Variants in THSD7B observed in about 807,000 individuals in gnomAD.
THSD7B encodes the protein thrombospondin type-1 domain-containing protein 7B.
A neutral mutation model predicts 213.6 loss-of-function variants in THSD7B; 138 were observed. The ratio of observed to expected loss-of-function variants is 0.65; its 90% CI spans 0.56 to 0.74. The LOEUF (loss-of-function observed/expected upper bound fraction) is 0.74, where lower values mean the gene tolerates loss of function less well. Among genes scored for constraint, THSD7B ranks in the 30% least tolerant of loss-of-function variants. The pLI is 0.00. For missense variants in THSD7B, 1,931 were observed against 1,991.5 expected (o/e 0.97, Z 0.58); for synonymous variants, 742 against 687.0 (o/e 1.08, Z -1.25).
chr2:137,069,581 TG>T (rs1280673547), intron 3 of THSD7B, among the ~76,000 whole-genome samples: 1 of 152,018 alleles, frequency 6.6e-6, no homozygotes, highest in Non-Finnish European at 1.5e-5. Flanking sequence ...ATGAATGCAC[TG>T]TGACTTCCTC....
chr2:137,106,970 G>A (rs1411887115), intron 4 of THSD7B, among the ~76,000 whole-genome samples: 1 of 152,188 alleles, frequency 6.6e-6, no homozygotes, highest in Non-Finnish European at 1.5e-5. Flanking sequence ...AACCATTGTG[G>A]AAGTCAGTGT....
intron 3 of THSD7B, among the ~76,000 whole-genome samples, chr2:137,086,845 C>T (rs191689289): frequency 1.8e-4 from 27 of 152,312 alleles, no homozygotes; most frequent in African/African-American, 6.5e-4. Context: ...TTTGACAATA[C>T]TTTATGTATC....
At chr2:137,034,139 T>A (rs928613411) in intron 2 of THSD7B, among the ~76,000 whole-genome samples, 1 of 152,286 alleles carries the variant, frequency 6.6e-6, no homozygotes, top group East Asian at 1.9e-4. Context: ...CATCCTTTTT[T>A]ATGGCTGCAT....
chr2:137,556,418 C>T (rs569588648), intron 15 of THSD7B, among the ~76,000 whole-genome samples: 16 of 152,202 alleles, frequency 1.1e-4, no homozygotes, highest in African/African-American at 3.1e-4. Context: ...ATTTTCAACC[C>T]AGAATTTCAT....
intron 12 of THSD7B, among the ~76,000 whole-genome samples, chr2:137,308,405 G>A (rs534577681): frequency 2.0e-5 from 3 of 152,046 alleles, no homozygotes; most frequent in Non-Finnish European, 4.4e-5. Flanking sequence ...CTTTGAAGTC[G>A]TGTGGGGGCT....
At chr2:137,061,163 A>C (rs1426086713) in intron 3 of THSD7B, among the ~76,000 whole-genome samples, 1 of 150,824 alleles carries the variant, frequency 6.6e-6, no homozygotes, top group Admixed American at 6.7e-5. Context: ...TGGTATAATA[A>C]GAAAACCGTT....
chr2:137,211,350 A>ACACACACACACAGAGG (rs1553479499), intron 7 of THSD7B, among the ~76,000 whole-genome samples: 42 of 138,960 alleles, frequency 3.0e-4, no homozygotes, highest in East Asian at 8.5e-4. Context: ...ACACACACAC[A>ACACACACACACAGAGG]CACACACACA....
intron 2 of THSD7B, among the ~76,000 whole-genome samples, chr2:136,914,104 C>T (rs771809653): frequency 7.9e-5 from 12 of 152,230 alleles, no homozygotes; most frequent in Non-Finnish European, 2.9e-5. Context: ...CCACCTCTTG[C>T]ATCAGCGTAA....
chr2:137,213,852 A>G (rs1225332539), intron 7 of THSD7B, among the ~76,000 whole-genome samples: 1 of 152,144 alleles, frequency 6.6e-6, no homozygotes, highest in Non-Finnish European at 1.5e-5. Context: ...AGATCCTGTA[A>G]CACTGAGCTA....
At position 137,300,887 on chromosome 2, in the gene THSD7B, T is replaced by C. The variant is rs1168161688; in HGVS notation, c.2500+24861T>C. 2.6e-5 allele frequency among the ~76,000 whole-genome samples: 4 copies of C among 151,950 alleles called. No homozygotes were observed. The East Asian group carries it at 7.7e-4, about 29-fold the overall frequency. Reference sequence around the variant, plus strand: ...GAGAGTAGAGGACAAGATAGGTCAGTGAGGACAGAGACATCGGGGTCATGT... The same window carrying C: ...GAGAGTAGAGGACAAGATAGGTCAGCGAGGACAGAGACATCGGGGTCATGT... On this transcript the variant is annotated intron_variant, in intron 12 of 27. Transcript: ENST00000409968.
intron 1 of THSD7B, among the ~76,000 whole-genome samples, chr2:136,870,071 C>CA (rs5834512): frequency 0.8 from 104,668 of 130,560 alleles, 42,370 homozygotes; most frequent in Non-Finnish European, 0.85. Flanking sequence ...GACTCCGTCT[C>CA]AAAAAAAAAA....
At chr2:137,274,588 T>G (rs1188996323) in intron 11 of THSD7B, among the ~76,000 whole-genome samples, 5 of 152,024 alleles carry the variant, frequency 3.3e-5, no homozygotes, top group Non-Finnish European at 7.4e-5. Context: ...TTTTGAAAGT[T>G]TAATAAAGGA....
chr2:137,655,345 G>C (rs1336445372), intron 21 of THSD7B, among the ~76,000 whole-genome samples, 156 bp from the exon 22 acceptor site: 1 of 152,188 alleles, frequency 6.6e-6, no homozygotes, highest in East Asian at 1.9e-4. Context: ...GTGTTGCTCA[G>C]GGATGCTTTA....
intron 2 of THSD7B, among the ~76,000 whole-genome samples, chr2:136,908,088 CA>C (rs1206291203): frequency 2.6e-5 from 4 of 152,138 alleles, no homozygotes; most frequent in Admixed American, 1.3e-4. Context: ...TAAAACACTT[CA>C]TTTTTTTAAT....
At chr2:137,674,743 G>A (rs1356566840) in intron 27 of THSD7B, among the ~76,000 whole-genome samples, 1 of 152,164 alleles carries the variant, frequency 6.6e-6, no homozygotes, top group Non-Finnish European at 1.5e-5. Flanking sequence ...AGCTTCTCTG[G>A]TTGGAAGTTG....
Position 137,123,898 on chromosome 2 carries a change from A to G in THSD7B, c.1369+8605A>G, listed in dbSNP as rs73958365. The stretch of plus-strand genomic sequence containing the variant: ...CATAAGCCTTGAGAAGAGGCTTAGT[A>G]ATTGTGATAGACTTCGCAACGGTTA... On this transcript the variant is annotated intron_variant, in intron 5 of 27. Transcript: ENST00000409968. Among the ~76,000 whole-genome samples, 645 of 152,182 alleles carry G rather than the reference A, an allele frequency of 4.2e-3. 3 individuals carry two copies. The highest frequency in any genetic ancestry group is 0.015 in the African/African-American group (620 of 41,516).
At chr2:136,837,880 CA>C (rs374057023) in intron 1 of THSD7B, among the ~76,000 whole-genome samples, 22 of 152,308 alleles carry the variant, frequency 1.4e-4, no homozygotes, top group African/African-American at 5.3e-4. Context: ...AGGAGCATCT[CA>C]TTTAAGAGGC....
chr2:137,006,447 T>C (rs574274841), intron 2 of THSD7B, among the ~76,000 whole-genome samples: 2,722 of 147,174 alleles, frequency 0.018, 77 homozygotes, highest in African/African-American at 0.061. Flanking sequence ...TACATACATA[T>C]AGGTTGTATA....
At chr2:137,651,582 A>T (rs952481508) in intron 21 of THSD7B, among the ~76,000 whole-genome samples, 4 of 151,602 alleles carry the variant, frequency 2.6e-5, no homozygotes, top group African/African-American at 9.7e-5. Flanking sequence ...GATGTATATG[A>T]TTTTGTCTTT....
Sources: gnomAD v4.1 joint callset for allele counts (sites outside exome capture counted in the v4.1 genomes callset) on GRCh38, gnomAD v4.1.1 for gene constraint, MANE v1.5 for transcripts, NCBI Gene and HGNC (gene_info 2026-07-23, HGNC 2026-07-21) for gene names.